The following GALNT13 variants were observed in gnomAD, a reference collection of about 807,000 sequenced individuals.
GALNT13 encodes polypeptide N-acetylgalactosaminyltransferase 13.
Under a neutral mutation model 64.2 loss-of-function variants are expected in GALNT13, and 28 were observed. The observed-to-expected ratio is 0.44, with a 90% CI of 0.32 to 0.60. The LOEUF is 0.60. Among genes scored for constraint, GALNT13 ranks in the 20% least tolerant of loss-of-function variants. The pLI is 0.05. For synonymous variants in GALNT13, 214 were observed against 224.6 expected, an observed-to-expected ratio of 0.95 and a Z score of 0.42; for missense variants, 577 against 669.8, an observed-to-expected ratio of 0.86 and a Z score of 1.53.
chr2:154,110,316 TATATATATATATATATATATAGAGAGAG>T (rs1702886507), intron 3 of GALNT13, among the ~76,000 whole-genome samples: 2 of 41,014 alleles, frequency 4.9e-5, no homozygotes, highest in Non-Finnish European at 8.6e-5. Flanking sequence ...TATATATATA[TATATATATATATATATATATAGAGAGAG>T]AGAGAGAGAG....
the GALNT13 span, among the ~76,000 whole-genome samples, chr2:153,613,491 T>C: frequency 6.6e-6 from 1 of 152,154 alleles, no homozygotes; most frequent in Admixed American, 6.6e-5. Context: ...TTATATGAGT[T>C]AGGAAGAGAA....
At chr2:154,114,020 C>G (rs952949752) in intron 3 of GALNT13, among the ~76,000 whole-genome samples, 4 of 152,218 alleles carry the variant, frequency 2.6e-5, no homozygotes, top group Non-Finnish European at 4.4e-5. Flanking sequence ...AATCCACTGT[C>G]ATTCTCCAAG....
At chr2:154,051,854 A>G (rs16835732) in intron 3 of GALNT13, among the ~76,000 whole-genome samples, 13,188 of 152,166 alleles carry the variant, frequency 0.087, 1,523 homozygotes, top group East Asian at 0.61. Context: ...AAAATATTTC[A>G]TTCAGTGTAT....
chr2:153,223,508 A>G, the GALNT13 span, among the ~76,000 whole-genome samples: 13 of 152,236 alleles, frequency 8.5e-5, no homozygotes, highest in Non-Finnish European at 1.8e-4. Flanking sequence ...CAATTAAACT[A>G]GAGAACAATG....
intron 10 of GALNT13, among the ~76,000 whole-genome samples, chr2:154,406,592 T>G (rs1699553757): frequency 6.6e-6 from 1 of 152,164 alleles, no homozygotes; most frequent in Non-Finnish European, 1.5e-5. Flanking sequence ...TCCTCTTCAT[T>G]AAACGTCTTT....
intron 4 of GALNT13, among the ~76,000 whole-genome samples, chr2:154,229,899 C>T (rs1688826777): frequency 6.6e-6 from 1 of 152,064 alleles, no homozygotes; most frequent in African/African-American, 2.4e-5. Flanking sequence ...GAAGAGTCAT[C>T]AAAAACATTT....
the GALNT13 span, among the ~76,000 whole-genome samples, chr2:153,445,229 A>G: frequency 6.6e-6 from 1 of 152,188 alleles, no homozygotes. Context: ...TTTCAGCTAT[A>G]AACAAGTAGA....
At chr2:154,168,046 C>T (rs1043319635) in intron 4 of GALNT13, among the ~76,000 whole-genome samples, 5 of 152,156 alleles carry the variant, frequency 3.3e-5, no homozygotes, top group Non-Finnish European at 7.3e-5. Flanking sequence ...GTTTGCCCTT[C>T]GGATCTGGAG....
intron 8 of GALNT13, among the ~76,000 whole-genome samples, chr2:154,278,327 C>T (rs1691770924): frequency 6.6e-6 from 1 of 152,034 alleles, no homozygotes; most frequent in Admixed American, 6.6e-5. Context: ...ATTTCTCTGA[C>T]CCTACAAGAG....
intron 8 of GALNT13, among the ~76,000 whole-genome samples, chr2:154,271,434 A>C (rs771281589): frequency 6.6e-6 from 1 of 151,956 alleles, no homozygotes; most frequent in Non-Finnish European, 1.5e-5. Flanking sequence ...CAAATCCTAG[A>C]GTTATGAGAA....
At chr2:153,480,369 A>C in the GALNT13 span, among the ~76,000 whole-genome samples, 1 of 152,158 alleles carries the variant, frequency 6.6e-6, no homozygotes, top group Non-Finnish European at 1.5e-5. Context: ...ATTTTTTGAT[A>C]TTTATGGTAT....
the GALNT13 span, among the ~76,000 whole-genome samples, chr2:153,844,720 C>G: frequency 6.6e-6 from 1 of 152,180 alleles, no homozygotes; most frequent in African/African-American, 2.4e-5. Context: ...AACATAAATT[C>G]TCACCTTAAG....
the GALNT13 span, among the ~76,000 whole-genome samples, chr2:153,707,379 T>C: frequency 5.8e-3 from 886 of 152,278 alleles, 11 homozygotes; most frequent in African/African-American, 0.02. Context: ...AACCAACCTA[T>C]AGAGAATCTT....
intron 4 of GALNT13, among the ~76,000 whole-genome samples, chr2:154,233,932 T>G (rs1199234746): frequency 6.6e-6 from 1 of 152,084 alleles, no homozygotes; most frequent in Non-Finnish European, 1.5e-5. Flanking sequence ...CTGAAAATAT[T>G]AAACAGAGAT....
At chr2:154,043,445 T>TATATATATAC in intron 3 of GALNT13, among the ~76,000 whole-genome samples, 1 of 91,686 alleles carries the variant, frequency 1.1e-5, no homozygotes, top group Non-Finnish European at 2.3e-5. Context: ...TATATATATA[T>TATATATATAC]ATATATATAT....
At chr2:154,209,367 A>G (rs1479130442) in intron 4 of GALNT13, among the ~76,000 whole-genome samples, 2 of 152,214 alleles carry the variant, frequency 1.3e-5, no homozygotes, top group Non-Finnish European at 2.9e-5. Context: ...CTTGCATGCA[A>G]ATAAATACAA....
At chr2:153,140,000 C>A in the GALNT13 span, among the ~76,000 whole-genome samples, 1 of 151,922 alleles carries the variant, frequency 6.6e-6, no homozygotes, top group African/African-American at 2.4e-5. Flanking sequence ...TTACAAACTT[C>A]TTTATTCTCC....
At chr2:154,258,837 T>A (rs1291056589) in intron 7 of GALNT13, among the ~76,000 whole-genome samples, 184 bp from the exon 8 acceptor site, 2 of 152,032 alleles carry the variant, frequency 1.3e-5, no homozygotes, top group Non-Finnish European at 2.9e-5. Context: ...TAATATGAGT[T>A]TTAAAGAAAA....
At chr2:154,120,616 G>A (rs1443017775) in intron 3 of GALNT13, among the ~76,000 whole-genome samples, 1 of 152,130 alleles carries the variant, frequency 6.6e-6, no homozygotes, top group Non-Finnish European at 1.5e-5. Context: ...GCTGAGTGGA[G>A]CTACTGCATA....
Sources: allele counts gnomAD v4.1 joint callset (sites outside exome capture counted in the v4.1 genomes callset), GRCh38; gene constraint gnomAD v4.1.1; transcripts MANE v1.5; gene names NCBI Gene and HGNC (gene_info 2026-07-23, HGNC 2026-07-21).